Variants in GAD1 observed in about 807,000 individuals in gnomAD.
GAD1 encodes the protein glutamate decarboxylase 1, also known as 67 kDa glutamic acid decarboxylase.
In GAD1, 35 loss-of-function variants were observed where a neutral mutation model predicts 75.2. The ratio of observed to expected loss-of-function variants is 0.47; its 90% confidence interval spans 0.36 to 0.62. The LOEUF (loss-of-function observed/expected upper bound fraction) is 0.62. Among genes scored for constraint, GAD1 ranks in the 20% least tolerant of loss-of-function variants. GAD1 has a pLI of 0.00. For synonymous variants in GAD1, 257 were observed against 271.9 expected (o/e 0.95, Z 0.54); for missense variants, 490 against 758.5 (o/e 0.65, Z 4.16).
At chr2:170,841,471 G>A (rs1328093034) in intron 6 of GAD1, among the ~76,000 whole-genome samples, 2 of 152,246 alleles carry the variant, frequency 1.3e-5, no homozygotes, top group African/African-American at 4.8e-5. Context: ...AGGCAAAGGC[G>A]GGAGGATCGC....
Position 170,818,988 on chromosome 2 carries a change from G to A in GAD1, c.82+315G>A, listed in dbSNP as rs1035523547. Among the ~76,000 whole-genome samples, 1 of 152,130 alleles carries A rather than the reference G, an allele frequency of 6.6e-6. No individual in the cohort carries two copies. Among genetic ancestry groups the A allele is most frequent in the African/African-American group, 2.4e-5 (1 of 41,420 alleles). ...TTGTGTGTGGTTTCTTTGCTCCGTG[G>A]GACGACAGGGGTCAGCGCAGGGGGC... On this transcript the variant is annotated intron_variant, in intron 2 of 16. Coordinates refer to ENST00000358196, the MANE Select transcript of GAD1 (RefSeq NM_000817.3). This position sits in a 1 kb window ranked among gnomAD's most constrained non-coding sequence, Gnocchi z 5.9.
intron 11 of GAD1, chr2:170,848,565 G>A (rs1257615015): frequency 2.4e-6 from 1 of 408,762 alleles, no homozygotes; most frequent in African/African-American, 2.1e-5. Context: ...GCAGTATACG[G>A]AAGGCATTAT....
chr2:170,824,214 G>A (rs1008200164), intron 3 of GAD1, among the ~76,000 whole-genome samples: 1 of 152,182 alleles, frequency 6.6e-6, no homozygotes, highest in African/African-American at 2.4e-5. Flanking sequence ...CCGCTTTTGG[G>A]GCCACAGGTT....
In GAD1 at chr2:170,846,132, T is replaced by C. The variant is rs1702628092; in HGVS notation, c.1002+69T>C. On this transcript the variant is annotated intron_variant, in intron 10 of 16. Transcript: ENST00000358196. Reference sequence around the variant, plus strand: ...TTCTTTCTGTCCTAGACAAAAACAGTCCTTGATAATATGAGACAATTTTCT... The same window carrying C: ...TTCTTTCTGTCCTAGACAAAAACAGCCCTTGATAATATGAGACAATTTTCT... 3 of 1,258,584 alleles carry C rather than the reference T, an allele frequency of 2.4e-6. No individual in the cohort carries two copies. The East Asian group carries it at 6.9e-5, about 29-fold the overall frequency. 78.0% of individuals were successfully genotyped at this position (1,258,584 alleles called of 1,614,324 possible).
At chr2:170,828,931 ATC>A (rs1281137708) in intron 3 of GAD1, 2 of 109,094 alleles carry the variant, frequency 1.8e-5, no homozygotes, top group Admixed American at 2.4e-4. Flanking sequence ...ACCCCTCCTC[ATC>A]TCTCTGCTGT....
At chr2:170,816,368 C>T (rs770445261), upstream of GAD1, 5 of 152,252 alleles carry the variant, frequency 3.3e-5, no homozygotes, top group African/African-American at 9.6e-5. Context: ...ATCCCAGCTC[C>T]GTAGAGAGCC....
chr2:170,851,739 A>G (rs1016896195), intron 12 of GAD1, among the ~76,000 whole-genome samples: 1 of 152,226 alleles, frequency 6.6e-6, no homozygotes, highest in African/African-American at 2.4e-5. Context: ...TGTTTTCATC[A>G]TCATACATTA....
At chr2:170,815,449 C>T (rs915652354), upstream of GAD1, among the ~76,000 whole-genome samples, 1 of 152,184 alleles carries the variant, frequency 6.6e-6, no homozygotes, top group African/African-American at 2.4e-5. Context: ...CATGTCTGCC[C>T]AGGGCGGACC....
At chr2:170,820,314 G>T (rs1055805074) in intron 2 of GAD1, among the ~76,000 whole-genome samples, 15 of 152,204 alleles carry the variant, frequency 9.9e-5, no homozygotes, top group African/African-American at 3.1e-4. Flanking sequence ...ACCTGAATCC[G>T]CACGTGGCCT....
chr2:170,852,802 C>T lies in GAD1; in HGVS notation c.1263+10C>T, dbSNP rs760516006. On this transcript the variant is annotated intron_variant, in intron 13 of 16. Coordinates refer to ENST00000358196, the MANE Select transcript of GAD1 (RefSeq NM_000817.3). ...TCTCGTCAAGGAAAAGGTCTGTACT[C>T]CCTCCAAAGCTACACTGGGGCCCGT... The T allele has an allele frequency of 1.7e-5, 27 of 1,612,166 alleles. No individual in the cohort carries two copies. The highest frequency in any genetic ancestry group is 2.0e-5 in the Non-Finnish European group (24 of 1,178,188).
chr2:170,854,120 A>G lies in GAD1; in HGVS notation c.1413+98A>G. 5.0e-6 allele frequency: 6 copies of G among 1,205,734 alleles called. No individual in the cohort carries two copies. In the South Asian group the frequency reaches 6.2e-5, roughly 12 times the overall value. 74.7% of individuals were successfully genotyped at this position (1,205,734 alleles called of 1,614,324 possible). A position where few individuals can be genotyped will look rare whatever the true frequency, so the allele number is the denominator to read the frequency against. On this transcript the variant is annotated intron_variant, in intron 14 of 16. Transcript: ENST00000358196. Reference sequence around the variant, plus strand: ...AGATATATCACAGATAATTCACTATATGGGGAATCAATATCTAGATAATTG... The same window carrying G: ...AGATATATCACAGATAATTCACTATGTGGGGAATCAATATCTAGATAATTG...
chr2:170,856,621 A>G (rs1461857078), intron 14 of GAD1, among the ~76,000 whole-genome samples: 3 of 152,250 alleles, frequency 2.0e-5, no homozygotes, highest in Non-Finnish European at 2.9e-5. Flanking sequence ...TAGAGTCAAC[A>G]GACAAAATCC....
At chr2:170,845,347 T>G in intron 7 of GAD1, 159 bp from the exon 8 acceptor site, 1 of 707,710 alleles carries the variant, frequency 1.4e-6, no homozygotes, top group Non-Finnish European at 2.6e-6. Context: ...AAGGGTCCAG[T>G]GGGAAGCCCC....
upstream of GAD1, among the ~76,000 whole-genome samples, chr2:170,814,663 TA>T (rs748382241): frequency 2.6e-5 from 4 of 152,204 alleles, no homozygotes; most frequent in African/African-American, 4.8e-5. Flanking sequence ...TTACTGCTAA[TA>T]TTCAATTAAA....
chr2:170,841,267 A>G (rs1220908436), intron 6 of GAD1, among the ~76,000 whole-genome samples: 2 of 152,236 alleles, frequency 1.3e-5, no homozygotes, highest in Non-Finnish European at 2.9e-5. Context: ...TTAGGAAAAC[A>G]GTACCCAACC....
At position 170,845,970 on chromosome 2, in the gene GAD1, C is replaced by T. The variant is rs701492; in HGVS notation, c.948-39C>T. On this transcript the variant is annotated intron_variant, in intron 9 of 16. Transcript: ENST00000358196. ...TTTTTTTCATGTGCAATCTCATTGA[C>T]TCTTCATTTTAATTTCCCTCCTTTT... 0.29 allele frequency: 457,126 copies of T among 1,578,180 alleles called. 67,680 individuals are homozygous for T. Among genetic ancestry groups the T allele is most frequent in the South Asian group, 0.38 (34,411 of 90,362 alleles).
At chr2:170,846,144 T>C in intron 10 of GAD1, 81 bp downstream of exon 10, 1 of 1,132,986 alleles carries the variant, frequency 8.8e-7, no homozygotes, top group Non-Finnish European at 1.3e-6. Flanking sequence ...CTTGATAATA[T>C]GAGACAATTT....
chr2:170,829,279 C>T, intron 3 of GAD1, 196 bp from the exon 4 acceptor site: 1 of 621,342 alleles, frequency 1.6e-6, no homozygotes, highest in Non-Finnish European at 2.8e-6. Flanking sequence ...GCCTCTGCCA[C>T]TGATGACATT....
At chr2:170,836,482 C>CTA (rs757907610) in intron 5 of GAD1, among the ~76,000 whole-genome samples, 10 of 152,178 alleles carry the variant, frequency 6.6e-5, no homozygotes, top group East Asian at 1.9e-4. Context: ...GGTCATTTTA[C>CTA]TATATATATA....
Sources: allele counts gnomAD v4.1 joint callset (sites outside exome capture counted in the v4.1 genomes callset), GRCh38; gene constraint gnomAD v4.1.1; non-coding constraint Gnocchi (gnomAD v3.1); transcripts MANE v1.5; gene names NCBI Gene and HGNC (gene_info 2026-07-23, HGNC 2026-07-21).